LRCH1: variants seen among roughly 807,000 people sequenced by gnomAD.
LRCH1 encodes the protein leucine rich repeats and calponin homology domain containing 1.
Under a neutral mutation model 94.9 loss-of-function variants are expected in LRCH1, and 23 were observed. The ratio of observed to expected loss-of-function variants is 0.24; its 90% CI spans 0.17 to 0.34. The LOEUF is 0.34. Ranked by LOEUF, LRCH1 falls within the 10% of genes least tolerant of loss-of-function variation. LRCH1 has a pLI of 1.00. For synonymous variants in LRCH1, 364 were observed against 354.9 expected (o/e 1.03, Z -0.29); for missense variants, 790 against 945.9 (o/e 0.84, Z 2.16).
Position 46,744,673 on chromosome 13 carries a change from G to A in LRCH1, c.*2825G>A, listed in dbSNP as rs922106741. 81 of 985,226 alleles carry A rather than the reference G, an allele frequency of 8.2e-5. No homozygotes were observed. The highest frequency in any genetic ancestry group is 1.1e-4 in the East Asian group (1 of 8,818). The allele number at this position is 985,226 out of a possible 1,614,324, so 61.0% of individuals were successfully genotyped here. On this transcript the variant is annotated 3_prime_UTR_variant, in exon 20 of 20. Transcript: ENST00000389797. ...CGCGTGGTGAGCTGGGTTATCTCTC[G>A]AAAACTCATGTAGATGCCTGATTGA...
At position 46,743,547 on chromosome 13, in the gene LRCH1, A is replaced by T; in HGVS notation, c.*1699A>T. The T allele has an allele frequency of 1.0e-6, 1 of 985,856 alleles. No homozygotes were observed. The highest frequency in any genetic ancestry group is 4.7e-5 in the South Asian group (1 of 21,292). 61.1% of individuals were successfully genotyped at this position (985,856 alleles called of 1,614,324 possible). A position where few individuals can be genotyped will look rare whatever the true frequency, so the allele number is the denominator to read the frequency against. On this transcript the variant is annotated 3_prime_UTR_variant, in exon 20 of 20. Transcript: ENST00000389797. Reference sequence around the variant, plus strand: ...ATAAAATCCCTTTGTACGATGTCTAATGAGCACCCTGAGCCATAAATTGCT... The same window carrying T: ...ATAAAATCCCTTTGTACGATGTCTATTGAGCACCCTGAGCCATAAATTGCT...
chr13:46,719,356 A>G (rs1319475200), intron 16 of LRCH1, among the ~76,000 whole-genome samples: 2 of 152,246 alleles, frequency 1.3e-5, no homozygotes, highest in African/African-American at 2.4e-5. Context: ...TTTGTGGGGC[A>G]GGAATAGAGG....
rs568018380 is a variant in LRCH1 at position 46,686,405 on chromosome 13, G to A, written c.822+364G>A. Among the ~76,000 whole-genome samples the A allele has an allele frequency of 1.7e-4, 26 of 152,274 alleles. No individual in the cohort carries two copies. In the South Asian group the frequency reaches 3.9e-3, roughly 23 times the overall value. On this transcript the variant is annotated intron_variant, in intron 5 of 19. Transcript: ENST00000389797. ...TGAGGATCATTCCTTCCTTCTGGGCGTGGGGCAGGACCCTCTTTGCGATGG... is the reference window on the plus strand; with the variant it reads ...TGAGGATCATTCCTTCCTTCTGGGCATGGGGCAGGACCCTCTTTGCGATGG...
intron 5 of LRCH1, among the ~76,000 whole-genome samples, chr13:46,686,544 T>C (rs2138150915): frequency 7.2e-6 from 1 of 139,468 alleles, no homozygotes; most frequent in African/African-American, 2.8e-5. Context: ...TTTAAAGGGG[T>C]TTTGGTTTCT....
intron 18 of LRCH1, among the ~76,000 whole-genome samples, chr13:46,731,326 C>T (rs1319733197): frequency 6.6e-6 from 1 of 152,010 alleles, no homozygotes; most frequent in Non-Finnish European, 1.5e-5. Context: ...CACCCTCTGC[C>T]CCCAGGGTTC....
Position 46,620,030 on chromosome 13 carries a change from C to T in LRCH1, c.308-30171C>T, listed in dbSNP as rs183097351. ...TAATTTAAATTATGAATAGAGATAA[C>T]GTAATTCTAGTATTCGTATTTGATT... On this transcript the variant is annotated intron_variant, in intron 1 of 19. Coordinates refer to ENST00000389797, the MANE Select transcript of LRCH1 (RefSeq NM_001164211.2). Among the ~76,000 whole-genome samples the T allele has an allele frequency of 2.9e-3, 436 of 152,170 alleles. 5 individuals carry two copies. The highest frequency in any genetic ancestry group is 9.9e-3 in the African/African-American group (413 of 41,508).
At chr13:46,629,501 T>C (rs911145104) in intron 1 of LRCH1, among the ~76,000 whole-genome samples, 108 of 152,330 alleles carry the variant, frequency 7.1e-4, no homozygotes, top group African/African-American at 2.6e-3. Context: ...AGCCATTGGC[T>C]GGAGCCCCTT....
chr13:46,636,607 C>CT (rs2051093423), intron 1 of LRCH1, among the ~76,000 whole-genome samples: 2 of 152,178 alleles, frequency 1.3e-5, no homozygotes, highest in South Asian at 4.1e-4. Context: ...CTTCATCAGG[C>CT]TTTTGCTCCT....
In LRCH1 at chr13:46,744,564, C is replaced by G. The variant is rs1353421851; in HGVS notation, c.*2716C>G. On this transcript the variant is annotated 3_prime_UTR_variant, in exon 20 of 20. Transcript: ENST00000389797. Reference sequence around the variant, plus strand: ...CCGCAGAACTACAATGTATGATAATCGAGTATAAATTTCATCAATGAGAGT... The same window carrying G: ...CCGCAGAACTACAATGTATGATAATGGAGTATAAATTTCATCAATGAGAGT... The G allele has an allele frequency of 7.1e-6, 7 of 985,290 alleles. No individual in the cohort carries two copies. In the South Asian group the frequency reaches 3.3e-4, roughly 46 times the overall value. 61.0% of individuals were successfully genotyped at this position (985,290 alleles called of 1,614,324 possible).
At chr13:46,579,571 C>T (rs1594258625) in intron 1 of LRCH1, among the ~76,000 whole-genome samples, 1 of 151,856 alleles carries the variant, frequency 6.6e-6, no homozygotes, top group African/African-American at 2.4e-5. Context: ...GGGTTACCAG[C>T]TCTTTTCTTG....
intron 19 of LRCH1, among the ~76,000 whole-genome samples, chr13:46,737,639 CT>C (rs1332752118): frequency 6.6e-6 from 1 of 152,144 alleles, no homozygotes; most frequent in Admixed American, 6.5e-5. Context: ...CTTCCAAATT[CT>C]TTGGGATATA....
At chr13:46,623,592 T>C (rs1446688509) in intron 1 of LRCH1, among the ~76,000 whole-genome samples, 1 of 151,946 alleles carries the variant, frequency 6.6e-6, no homozygotes, top group Admixed American at 6.6e-5. Flanking sequence ...TTTAAGTCTG[T>C]CACCTTTCCT....
intron 15 of LRCH1, among the ~76,000 whole-genome samples, chr13:46,714,641 A>G (rs1872228971): frequency 6.6e-6 from 1 of 152,198 alleles, no homozygotes; most frequent in African/African-American, 2.4e-5. Context: ...TTCCTCCCGA[A>G]CAAAGACAAC....
chr13:46,600,549 T>C (rs2050616029), intron 1 of LRCH1, among the ~76,000 whole-genome samples: 1 of 151,944 alleles, frequency 6.6e-6, no homozygotes, highest in South Asian at 2.1e-4. Context: ...ACAGTGTTTT[T>C]CAAACTTTTA....
At chr13:46,660,420 G>A (rs1419447891) in intron 2 of LRCH1, among the ~76,000 whole-genome samples, 1 of 151,780 alleles carries the variant, frequency 6.6e-6, no homozygotes, top group African/African-American at 2.4e-5. Flanking sequence ...AAAAAAAAAT[G>A]TATATATATA....
chr13:46,703,210 G>A (rs1240964861), intron 11 of LRCH1, among the ~76,000 whole-genome samples: 1 of 152,188 alleles, frequency 6.6e-6, no homozygotes, highest in Non-Finnish European at 1.5e-5. Flanking sequence ...ATGTAGGCAT[G>A]TGCACCCGTG....
chr13:46,655,675 T>C (rs866961664), intron 2 of LRCH1, among the ~76,000 whole-genome samples: 14 of 152,194 alleles, frequency 9.2e-5, no homozygotes, highest in Admixed American at 1.3e-4. Flanking sequence ...TTGATGAGCC[T>C]CATGAAGAAA....
At chr13:46,574,044 C>T (rs2050274742) in intron 1 of LRCH1, among the ~76,000 whole-genome samples, 2 of 150,946 alleles carry the variant, frequency 1.3e-5, no homozygotes, top group South Asian at 2.1e-4. Flanking sequence ...CGGGGTTTCG[C>T]CATGTTGGCC....
At chr13:46,697,524 G>C (rs1474930193) in intron 9 of LRCH1, among the ~76,000 whole-genome samples, 2 of 152,144 alleles carry the variant, frequency 1.3e-5, no homozygotes, top group African/African-American at 4.8e-5. Flanking sequence ...TACTATGTCT[G>C]GGGCCATTTT....
Sources: gnomAD v4.1 joint callset for allele counts (sites outside exome capture counted in the v4.1 genomes callset) on GRCh38, gnomAD v4.1.1 for gene constraint, MANE v1.5 for transcripts, NCBI Gene and HGNC (gene_info 2026-07-23, HGNC 2026-07-21) for gene names.